Variants in LSS observed in about 807,000 individuals in gnomAD.
LSS encodes the protein lanosterol synthase.
In LSS, 90 loss-of-function variants were observed where a neutral mutation model predicts 110.3. The observed-to-expected ratio is 0.82, with a 90% CI of 0.69 to 0.97. LSS has a LOEUF of 0.97. Ranked by LOEUF, LSS falls within the 50% of genes least tolerant of loss-of-function variation. LSS has a pLI of 0.00. For missense variants in LSS, 927 were observed against 990.0 expected (o/e 0.94, Z 0.85); for synonymous variants, 433 against 400.0 (o/e 1.08, Z -0.98).
At chr21:46,195,152 G>T (rs775334625) in intron 19 of LSS, among the ~76,000 whole-genome samples, 3 of 152,228 alleles carry the variant, frequency 2.0e-5, no homozygotes, top group African/African-American at 4.8e-5. Flanking sequence ...ACTCAGGGTT[G>T]GGAGGCATCT....
chr21:46,203,252 G>A lies in LSS; in HGVS notation c.1670+2584C>T, dbSNP rs80263343. 8.6e-3 allele frequency among the ~76,000 whole-genome samples: 1,305 copies of A among 152,196 alleles called. 16 individuals carry two copies. Among genetic ancestry groups the A allele is most frequent in the African/African-American group, 0.03 (1,247 of 41,470 alleles). ...AAAATACCAGTTAAGGTTAAAATGG[G>A]GAAAAGCTAAAAAACAACAAGGAAA... is the stretch of plus-strand genomic sequence containing the variant. On this transcript the variant is annotated intron_variant, in intron 17 of 21. Transcript: ENST00000397728.
chr21:46,214,208 G>A (rs2080170587), intron 9 of LSS, among the ~76,000 whole-genome samples: 1 of 152,250 alleles, frequency 6.6e-6, no homozygotes, highest in East Asian at 1.9e-4. Flanking sequence ...AGGAAGAGAT[G>A]CGAAGACAGG....
At chr21:46,191,351 G>A (rs2079812639) in intron 21 of LSS, 116 bp from the exon 22 acceptor site, 2 of 1,151,274 alleles carry the variant, frequency 1.7e-6, no homozygotes, top group Non-Finnish European at 2.6e-6. Flanking sequence ...AGCCTGGAAA[G>A]GGCTAATTAA....
At position 46,209,844 on chromosome 21, in the gene LSS, A is replaced by G. The variant is rs2080105612; in HGVS notation, c.1195-219T>C. On this transcript the variant is annotated intron_variant, in intron 12 of 21. Transcript: ENST00000397728. This position sits in a 1 kb window ranked among gnomAD's most constrained non-coding sequence, Gnocchi z 4.4. Reference sequence around the variant, plus strand: ...ATGACTGAAGATGGAAGGGCGCAGGAGACCATTTATGGATGCCAGCACCCC... The same window carrying G: ...ATGACTGAAGATGGAAGGGCGCAGGGGACCATTTATGGATGCCAGCACCCC... Among the ~76,000 whole-genome samples, 1 of 152,044 alleles carries G rather than the reference A, an allele frequency of 6.6e-6. No homozygotes were observed. Among genetic ancestry groups the G allele is most frequent in the Admixed American group, 6.5e-5 (1 of 15,274 alleles).
chr21:46,206,996 C>T (rs1454821636), intron 15 of LSS, among the ~76,000 whole-genome samples: 2 of 152,192 alleles, frequency 1.3e-5, no homozygotes, highest in African/African-American at 2.4e-5. Context: ...AACATGCCCC[C>T]ACACGTGCCC....
At chr21:46,202,198 T>C (rs1337106787) in intron 17 of LSS, among the ~76,000 whole-genome samples, 1 of 139,772 alleles carries the variant, frequency 7.2e-6, no homozygotes, top group East Asian at 2.3e-4. Context: ...ATCGAGACCA[T>C]CCTGGCTAAA....
chr21:46,206,524 T>G (rs2080050383), intron 16 of LSS, 148 bp downstream of exon 16: 5 of 690,332 alleles, frequency 7.2e-6, no homozygotes, highest in African/African-American at 1.8e-5. Context: ...CAGAACAGCC[T>G]GGGCTGAGGG....
intron 3 of LSS, among the ~76,000 whole-genome samples, chr21:46,226,546 G>A (rs2080342097): frequency 6.6e-6 from 1 of 152,234 alleles, no homozygotes; most frequent in African/African-American, 2.4e-5. Context: ...GGGGATCCCA[G>A]TGCTCCTCCT....
chr21:46,227,522 T>C lies in LSS; in HGVS notation c.319+30A>G, dbSNP rs754976970. The C allele has an allele frequency of 6.2e-6, 10 of 1,612,936 alleles. No homozygotes were observed. The East Asian group carries it at 2.0e-4, about 32-fold the overall frequency. On this transcript the variant is annotated intron_variant, in intron 3 of 21. Coordinates refer to ENST00000397728, the MANE Select transcript of LSS (RefSeq NM_002340.6). Reference sequence around the variant, plus strand: ...TCCCAAGGGTGATCCAGGGTGGCCATACCATCAGGCTGGGGCAGCATACTC... The same window carrying C: ...TCCCAAGGGTGATCCAGGGTGGCCACACCATCAGGCTGGGGCAGCATACTC...
rs1287756122 is a variant in LSS at position 46,216,343 on chromosome 21, G to A, written c.783+46C>T. The A allele has an allele frequency of 1.2e-6, 2 of 1,611,936 alleles. No individual in the cohort carries two copies. The highest frequency in any genetic ancestry group is 1.7e-6 in the Non-Finnish European group (2 of 1,179,622). On this transcript the variant is annotated intron_variant, in intron 7 of 21. Coordinates refer to ENST00000397728, the MANE Select transcript of LSS (RefSeq NM_002340.6). The surrounding 1 kb of genome is among the most constrained non-coding windows in gnomAD (Gnocchi z 4.2). ...ATTCCAGAAGCCCCAGGCCCTGTGG[G>A]TCCCAGCCCCAGAGGCCTTCACTTT... is the stretch of plus-strand genomic sequence containing the variant.
chr21:46,215,657 C>T, intron 8 of LSS, 28 bp downstream of exon 8: 3 of 1,522,698 alleles, frequency 2.0e-6, no homozygotes, highest in Non-Finnish European at 1.8e-6. Flanking sequence ...CCCTGGGCTG[C>T]CCTGCCGGCC....
At chr21:46,218,107 C>T (rs377232056) in intron 6 of LSS, among the ~76,000 whole-genome samples, 24 of 133,546 alleles carry the variant, frequency 1.8e-4, no homozygotes, top group Admixed American at 8.8e-4. Context: ...CCCCACCCCC[C>T]ACCCCCGCAC....
chr21:46,219,941 G>A (rs1270310817), intron 5 of LSS, among the ~76,000 whole-genome samples: 2 of 152,208 alleles, frequency 1.3e-5, no homozygotes, highest in Admixed American at 1.3e-4. Context: ...CCTGGAGAAG[G>A]CAAGGTGGGG....
intron 17 of LSS, among the ~76,000 whole-genome samples, chr21:46,201,984 C>A (rs947517137): frequency 1.3e-5 from 2 of 150,806 alleles, no homozygotes; most frequent in African/African-American, 2.4e-5. Flanking sequence ...TTTTAGTAGA[C>A]AAGGTTTCAC....
intron 21 of LSS, 124 bp downstream of exon 21, chr21:46,191,757 G>A (rs2079818817): frequency 2.6e-6 from 2 of 770,258 alleles, no homozygotes; most frequent in African/African-American, 1.7e-5. Context: ...TTCACTGGCA[G>A]AGGTGACGCC....
intron 18 of LSS, 61 bp from the exon 19 acceptor site, chr21:46,195,817 A>G: frequency 7.2e-7 from 1 of 1,380,092 alleles, no homozygotes; most frequent in Middle Eastern, 1.8e-4. Context: ...TGTGTGAAAC[A>G]ACACGCATTC....
At chr21:46,205,790 C>T in intron 17 of LSS, 46 bp downstream of exon 17, 2 of 1,484,892 alleles carry the variant, frequency 1.3e-6, no homozygotes, top group Middle Eastern at 1.7e-4. Context: ...GGGTCTTGGC[C>T]CCCGACTTGG....
intron 17 of LSS, among the ~76,000 whole-genome samples, chr21:46,201,184 T>C (rs1206339710): frequency 9.0e-5 from 8 of 89,354 alleles, no homozygotes; most frequent in South Asian, 5.5e-4. Context: ...GGACAGGTCA[T>C]GAAGCCCTGA....
At chr21:46,227,776 TC>T in intron 2 of LSS, 86 bp from the exon 3 acceptor site, 1 of 1,448,710 alleles carries the variant, frequency 6.9e-7, no homozygotes, top group Non-Finnish European at 9.5e-7. Flanking sequence ...ACAGCCCAAG[TC>T]AAAACAGTGA....
Sources: gnomAD v4.1 joint callset for allele counts (sites outside exome capture counted in the v4.1 genomes callset) on GRCh38, gnomAD v4.1.1 for gene constraint, Gnocchi (gnomAD v3.1) non-coding constraint, MANE v1.5 for transcripts, NCBI Gene and HGNC (gene_info 2026-07-23, HGNC 2026-07-21) for gene names.